TYW1: variants seen among roughly 807,000 people sequenced by gnomAD.
The protein encoded by TYW1 is S-adenosyl-L-methionine-dependent tRNA 4-demethylwyosine synthase TYW1.
In TYW1, 46 loss-of-function variants were observed where a neutral mutation model predicts 96.2. That is an observed-to-expected ratio of 0.48 (90% CI 0.38 to 0.61). TYW1 has a LOEUF of 0.61. Ranked by LOEUF, TYW1 falls within the 20% of genes least tolerant of loss-of-function variation. The pLI, the probability that TYW1 is intolerant of heterozygous loss-of-function variation, is 0.00. For missense variants in TYW1, 684 were observed against 909.6 expected, an observed-to-expected ratio of 0.75 and a Z score of 3.19; for synonymous variants, 274 against 323.0, an observed-to-expected ratio of 0.85 and a Z score of 1.63.
chr7:67,092,253 C>G (rs1584549469), intron 11 of TYW1, among the ~76,000 whole-genome samples: 1 of 152,064 alleles, frequency 6.6e-6, no homozygotes, highest in Admixed American at 6.6e-5. Context: ...CGTGCCACCT[C>G]CAGTGTCACC....
intron 6 of TYW1, among the ~76,000 whole-genome samples, chr7:67,020,669 C>T (rs1292917312): frequency 6.6e-6 from 1 of 152,280 alleles, no homozygotes; most frequent in African/African-American, 2.4e-5. Flanking sequence ...TGAATTTCTC[C>T]ATTGTCATCC....
intron 15 of TYW1, among the ~76,000 whole-genome samples, chr7:67,227,751 T>C (rs890079085): frequency 9.2e-5 from 14 of 152,022 alleles, no homozygotes; most frequent in Non-Finnish European, 2.1e-4. Context: ...TTGGCAGCAC[T>C]CTGTGCATAT....
At chr7:67,074,842 T>A (rs925839373) in intron 10 of TYW1, among the ~76,000 whole-genome samples, 3 of 151,960 alleles carry the variant, frequency 2.0e-5, no homozygotes, top group African/African-American at 4.8e-5. Context: ...TTTTTTTTTT[T>A]ATTCTTTTGA....
intron 6 of TYW1, among the ~76,000 whole-genome samples, chr7:67,018,358 G>A (rs1304745769): frequency 6.6e-6 from 1 of 151,902 alleles, no homozygotes; most frequent in Non-Finnish European, 1.5e-5. Flanking sequence ...GGGCAACATA[G>A]CAAGACCCTA....
At chr7:67,203,525 G>C (rs762763608) in intron 15 of TYW1, among the ~76,000 whole-genome samples, 1 of 152,192 alleles carries the variant, frequency 6.6e-6, no homozygotes, top group Non-Finnish European at 1.5e-5. Context: ...CATGTTAGCA[G>C]TTTGAGTGAA....
Position 67,232,668 on chromosome 7 carries a change from G to T in TYW1, c.1978-5640G>T. Among the ~76,000 whole-genome samples the T allele has an allele frequency of 1.5e-5, 2 of 130,424 alleles. 1 individual carries two copies. The highest frequency in any genetic ancestry group is 3.3e-5 in the Non-Finnish European group (2 of 61,302). The allele number at this position is 130,424 out of a possible 152,430, so 85.6% of individuals were successfully genotyped here. A position where few individuals can be genotyped will look rare whatever the true frequency, so the allele number is the denominator to read the frequency against. On this transcript the variant is annotated intron_variant, in intron 15 of 15. Transcript: ENST00000359626. Reference sequence around the variant, plus strand: ...TCCCAACCTCAGTATCTTGTCATCTGTCTTCTTGGGCTGGTCAGTAGGGTC... The same window carrying T: ...TCCCAACCTCAGTATCTTGTCATCTTTCTTCTTGGGCTGGTCAGTAGGGTC...
chr7:67,081,017 T>C (rs972107700), intron 10 of TYW1, among the ~76,000 whole-genome samples: 5 of 150,330 alleles, frequency 3.3e-5, no homozygotes, highest in East Asian at 2.0e-4. Context: ...TTTTTTTTTT[T>C]CTCATTTGTA....
chr7:67,064,376 A>T (rs535100050), intron 9 of TYW1, among the ~76,000 whole-genome samples: 3 of 152,326 alleles, frequency 2.0e-5, no homozygotes, highest in African/African-American at 7.2e-5. Context: ...AAGACTAGAG[A>T]TCTCAGAAAT....
chr7:67,032,247 T>C (rs1401248097), intron 7 of TYW1, among the ~76,000 whole-genome samples: 1 of 152,164 alleles, frequency 6.6e-6, no homozygotes, highest in East Asian at 1.9e-4. Context: ...TCTCACTCTG[T>C]CACCCAGCCT....
intron 7 of TYW1, among the ~76,000 whole-genome samples, chr7:67,035,325 C>T (rs1479497330): frequency 6.6e-6 from 1 of 151,734 alleles, no homozygotes; most frequent in Non-Finnish European, 1.5e-5. Flanking sequence ...CCATGTTGGC[C>T]AGGTTGGTCT....
At chr7:66,998,747 A>G in intron 2 of TYW1, 70 bp from the exon 3 acceptor site, 12 of 1,561,896 alleles carry the variant, frequency 7.7e-6, no homozygotes, top group Non-Finnish European at 1.0e-5. Flanking sequence ...ATCTGTGCTA[A>G]TTTTCATCCC....
chr7:67,236,804 T>A (rs1451584640), intron 15 of TYW1, among the ~76,000 whole-genome samples: 1 of 150,770 alleles, frequency 6.6e-6, no homozygotes, highest in Non-Finnish European at 1.5e-5. Flanking sequence ...ATATTCTAAA[T>A]TCAGGAACCT....
At chr7:67,069,815 A>T (rs1051218572) in intron 10 of TYW1, among the ~76,000 whole-genome samples, 2 of 152,004 alleles carry the variant, frequency 1.3e-5, no homozygotes, top group East Asian at 3.9e-4. Context: ...TTACCTATGT[A>T]TTTTACCTTT....
chr7:67,129,125 C>T (rs1198961866), intron 13 of TYW1, among the ~76,000 whole-genome samples: 2 of 152,184 alleles, frequency 1.3e-5, no homozygotes, highest in Non-Finnish European at 2.9e-5. Flanking sequence ...ACATGGAAGG[C>T]CGGTGCTGGC....
In TYW1 at chr7:67,225,715, C is replaced by T. The variant is rs533463119; in HGVS notation, c.1978-12593C>T. ...AGAGGAAATTGGCATTTTGGTAACA[C>T]TGCTCAGAGGATTTAGCTCCACTGG... On this transcript the variant is annotated intron_variant, in intron 15 of 15. Coordinates refer to ENST00000359626, the MANE Select transcript of TYW1 (RefSeq NM_018264.4). Among the ~76,000 whole-genome samples the T allele has an allele frequency of 1.4e-3, 207 of 149,482 alleles. 4 individuals carry two copies. Among genetic ancestry groups the T allele is most frequent in the African/African-American group, 4.9e-3 (197 of 40,012 alleles).
At chr7:67,015,274 G>T (rs959789803) in intron 5 of TYW1, among the ~76,000 whole-genome samples, 1 of 152,136 alleles carries the variant, frequency 6.6e-6, no homozygotes, top group Admixed American at 6.5e-5. Flanking sequence ...AGAGTGCTGG[G>T]ATTACAGGTG....
chr7:67,022,312 A>G (rs1297129403), intron 6 of TYW1, among the ~76,000 whole-genome samples: 1 of 152,320 alleles, frequency 6.6e-6, no homozygotes, highest in South Asian at 2.1e-4. Flanking sequence ...GCAGATTTGC[A>G]TAGTAAAGAC....
intron 13 of TYW1, among the ~76,000 whole-genome samples, chr7:67,157,486 A>G (rs9690291): frequency 0.26 from 39,462 of 152,016 alleles, 5,607 homozygotes; most frequent in African/African-American, 0.38. Context: ...GGGTTCCACT[A>G]TATTGGCCAG....
At chr7:67,095,132 G>T (rs1796854697) in intron 11 of TYW1, among the ~76,000 whole-genome samples, 1 of 151,922 alleles carries the variant, frequency 6.6e-6, no homozygotes, top group South Asian at 2.1e-4. Flanking sequence ...CCGAGTAGCT[G>T]GGCCTACAAG....
Sources: gnomAD v4.1 joint callset for allele counts (sites outside exome capture counted in the v4.1 genomes callset) on GRCh38, gnomAD v4.1.1 for gene constraint, MANE v1.5 for transcripts, NCBI Gene and HGNC (gene_info 2026-07-23, HGNC 2026-07-21) for gene names.